Variants in TAAR5 observed in about 807,000 individuals in gnomAD.
The protein encoded by TAAR5 is trace amine associated receptor 5.
In TAAR5, 27 loss-of-function variants were observed where a neutral mutation model predicts 21.1. The observed-to-expected ratio is 1.28, with a 90% CI of 0.94 to 1.76. The LOEUF is 1.76. Among genes scored for constraint, TAAR5 ranks in the 40% most tolerant of loss-of-function variants. TAAR5 has a pLI of 0.00. For synonymous variants in TAAR5, 203 were observed against 167.5 expected, an observed-to-expected ratio of 1.21 and a Z score of -1.64; for missense variants, 495 against 405.6, an observed-to-expected ratio of 1.22 and a Z score of -1.89.
the TAAR5 span, among the ~76,000 whole-genome samples, chr6:132,597,280 A>G: frequency 6.6e-6 from 1 of 152,032 alleles, no homozygotes; most frequent in Non-Finnish European, 1.5e-5. Flanking sequence ...AGTTTAAGAC[A>G]AGAAGATAGA....
the TAAR5 span, among the ~76,000 whole-genome samples, chr6:132,606,424 T>C: frequency 6.6e-6 from 1 of 152,136 alleles, no homozygotes; most frequent in Non-Finnish European, 1.5e-5. Flanking sequence ...TCCTCACCTG[T>C]GAAGGGAGAG....
the TAAR5 span, among the ~76,000 whole-genome samples, chr6:132,604,290 G>A: frequency 6.6e-5 from 10 of 151,458 alleles, no homozygotes; most frequent in African/African-American, 9.7e-5. Context: ...CTACATGAGC[G>A]TGCCACCATG....
At chr6:132,604,386 G>A in the TAAR5 span, among the ~76,000 whole-genome samples, 4 of 152,072 alleles carry the variant, frequency 2.6e-5, no homozygotes, top group Non-Finnish European at 4.4e-5. Context: ...CAGGTGATCC[G>A]TCTGTCTCAG....
rs373299718 is a variant in TAAR5, at chr6:132,588,724, G to T, written c.963C>A (p.Ser321Arg). Residue 321 changes from serine (S) to arginine (R), a missense_variant, in exon 1 of 1, where the codon AGC (serine) becomes AGA (arginine). Coordinates refer to ENST00000258034, the MANE Select transcript of TAAR5 (RefSeq NM_003967.3). ...GTGTCTGCGGTGAGAAGACCTTCTGGCTCAGTGTGAGTTTCAGTGCCTTCC... is the reference window on the plus strand; with the variant it reads ...GTGTCTGCGGTGAGAAGACCTTCTGTCTCAGTGTGAGTTTCAGTGCCTTCC... ...WFRKALKLTL[S>R]QKVFSPQTRT... 1 of 1,614,004 alleles carries T rather than the reference G, an allele frequency of 6.2e-7. No individual in the cohort carries two copies. Among genetic ancestry groups the T allele is most frequent in the Non-Finnish European group, 8.5e-7 (1 of 1,179,974 alleles).
At chr6:132,591,488 C>T (rs535646527), upstream of TAAR5, among the ~76,000 whole-genome samples, 7 of 152,280 alleles carry the variant, frequency 4.6e-5, no homozygotes, top group African/African-American at 1.4e-4. Context: ...GGCAAAGCTC[C>T]CTATAGCCTG....
chr6:132,598,115 T>G, the TAAR5 span, among the ~76,000 whole-genome samples: 1 of 152,170 alleles, frequency 6.6e-6, no homozygotes, highest in East Asian at 1.9e-4. Flanking sequence ...CTCTTACTGG[T>G]TACATAGCCC....
the TAAR5 span, chr6:132,595,092 TATG>T: frequency 1.3e-5 from 2 of 152,178 alleles, no homozygotes; most frequent in African/African-American, 4.8e-5. Flanking sequence ...TGGTGCAGAG[TATG>T]ATGTCACAGC....
chr6:132,604,137 T>G, the TAAR5 span, among the ~76,000 whole-genome samples: 3 of 136,144 alleles, frequency 2.2e-5, no homozygotes, highest in South Asian at 7.8e-4. Flanking sequence ...TCTTTTCTTT[T>G]TTTCTTTTCT....
chr6:132,606,235 A>C, the TAAR5 span, among the ~76,000 whole-genome samples: 1 of 152,192 alleles, frequency 6.6e-6, no homozygotes, highest in Non-Finnish European at 1.5e-5. Flanking sequence ...AAACCTGATC[A>C]TGCATTTCCT....
chr6:132,591,203 G>C (rs1025798673), upstream of TAAR5, among the ~76,000 whole-genome samples: 2 of 152,118 alleles, frequency 1.3e-5, no homozygotes, highest in Non-Finnish European at 2.9e-5. Context: ...ATTTCACAGG[G>C]ATATTATCAA....
the TAAR5 span, chr6:132,608,147 T>G: frequency 2.8e-6 from 1 of 355,750 alleles, no homozygotes; most frequent in Non-Finnish European, 5.5e-6. Context: ...TTTAATAGTA[T>G]CATGTTTGCA....
the TAAR5 span, among the ~76,000 whole-genome samples, chr6:132,605,391 C>G: frequency 2.6e-5 from 4 of 152,182 alleles, no homozygotes; most frequent in Non-Finnish European, 5.9e-5. Flanking sequence ...TACACAGATT[C>G]CGTATAACCT....
At position 132,588,842 on chromosome 6, in the gene TAAR5, G is replaced by A. The variant is rs760736721; in HGVS notation, c.845C>T (p.Thr282Ile). ...TMVDSLLHFI[T>I]PPLVFDIFIW... Reference sequence around the variant, plus strand: ...AAAGATGTCAAAGACCAGTGGGGGTGTGATAAAGTGAAGGAGGCTGTCGAC... The same window carrying A: ...AAAGATGTCAAAGACCAGTGGGGGTATGATAAAGTGAAGGAGGCTGTCGAC... The change falls in exon 1 of 1, where the codon ACA (threonine) becomes ATA (isoleucine). Residue 282 changes from threonine to isoleucine, a missense_variant. By Grantham distance (89) the Thr-to-Ile change is moderately conservative. Transcript: ENST00000258034. 7.4e-6 allele frequency: 12 copies of A among 1,613,986 alleles called. No homozygotes were observed. In the East Asian group the frequency reaches 1.6e-4, roughly 21 times the overall value.
Position 132,589,022 on chromosome 6 carries a change from A to G in TAAR5, c.665T>C (p.Ile222Thr). 3 of 1,614,072 alleles carry G rather than the reference A, an allele frequency of 1.9e-6. No homozygotes were observed. The highest frequency in any genetic ancestry group is 1.7e-6 in the Non-Finnish European group (2 of 1,179,988). The change falls in exon 1 of 1, where the codon ATC (isoleucine) becomes ACC (threonine). Residue 222 changes from isoleucine to threonine, a missense_variant. Coordinates refer to ENST00000258034, the MANE Select transcript of TAAR5 (RefSeq NM_003967.3). ...CLIMISLYVK[I>T]FVVATRQAQQ... ...AGCCTGTCTGGTAGCAACCACAAAG[A>G]TCTTCACATACAAGCTGATCATAAT...
At chr6:132,590,066 G>C (rs187617919), upstream of TAAR5, among the ~76,000 whole-genome samples, 1 of 152,110 alleles carries the variant, frequency 6.6e-6, no homozygotes, top group Non-Finnish European at 1.5e-5. Context: ...AATAGAGAAT[G>C]TCTCTTACGT....
Position 132,589,293 on chromosome 6 carries a change from G to A in TAAR5, c.394C>T (p.Arg132Cys), listed in dbSNP as rs147580046. The A allele has an allele frequency of 1.0e-3, 1,614 of 1,612,698 alleles. 3 individuals carry two copies. The highest frequency in any genetic ancestry group is 1.1e-3 in the Admixed American group (64 of 59,930). Residue 132 changes from arginine (R) to cysteine (C), a missense_variant, in exon 1 of 1, where the codon CGC (arginine) becomes TGC (cysteine). Physicochemically the swap from Arg to Cys is radical, Grantham distance 180. Coordinates refer to ENST00000258034, the MANE Select transcript of TAAR5 (RefSeq NM_003967.3). ...IFHLCFISID[R>C]HCAICDPLLY... is the part of the protein sequence containing the mutation. ...AGGGGGTCACAGATGGCACAGTGGC[G>A]GTCAATGGAAATGAAACAGAGATGG...
upstream of TAAR5, among the ~76,000 whole-genome samples, chr6:132,592,864 CTCT>C (rs1304150664): frequency 6.6e-6 from 1 of 152,162 alleles, no homozygotes; most frequent in Non-Finnish European, 1.5e-5. Context: ...CTGCACCCGG[CTCT>C]TCTTCCTCTC....
the TAAR5 span, among the ~76,000 whole-genome samples, chr6:132,612,183 T>G: frequency 2.0e-5 from 3 of 152,190 alleles, no homozygotes. Flanking sequence ...TTAAAAAATA[T>G]ATTAACTCAC....
At chr6:132,604,782 G>T in the TAAR5 span, among the ~76,000 whole-genome samples, 9 of 152,228 alleles carry the variant, frequency 5.9e-5, no homozygotes, top group Admixed American at 5.9e-4. Context: ...GGGTGACTGA[G>T]GAGAGTTTAA....
Sources: gnomAD v4.1 joint callset for allele counts (sites outside exome capture counted in the v4.1 genomes callset) on GRCh38, gnomAD v4.1.1 for gene constraint, MANE v1.5 for transcripts, NCBI Gene and HGNC (gene_info 2026-07-23, HGNC 2026-07-21) for gene names.